Variants in DLGAP1 observed in about 807,000 individuals in gnomAD.
DLGAP1 encodes DLG associated protein 1, also known as disks large-associated protein 1.
A neutral mutation model predicts 90.8 loss-of-function variants in DLGAP1; 11 were observed. The ratio of observed to expected loss-of-function variants is 0.12; its 90% confidence interval spans 0.08 to 0.20. The LOEUF is 0.20. Ranked by LOEUF, DLGAP1 falls within the 10% of genes least tolerant of loss-of-function variation. The pLI, the probability that DLGAP1 is intolerant of heterozygous loss-of-function variation, is 1.00. For synonymous variants in DLGAP1, 558 were observed against 540.7 expected (o/e 1.03, Z -0.44); for missense variants, 1,050 against 1,333.8 (o/e 0.79, Z 3.31).
intron 1 of DLGAP1, among the ~76,000 whole-genome samples, chr18:4,380,706 A>C (rs1479051340): frequency 6.6e-6 from 1 of 152,180 alleles, no homozygotes; most frequent in Non-Finnish European, 1.5e-5. Flanking sequence ...CCATATCATT[A>C]ATATGTTTCC....
At chr18:3,547,153 T>C (rs1354359877) in intron 9 of DLGAP1, among the ~76,000 whole-genome samples, 4 of 151,448 alleles carry the variant, frequency 2.6e-5, no homozygotes, top group Admixed American at 6.6e-5. Flanking sequence ...TACAAAAAAT[T>C]AGCCAGGCGT....
chr18:4,303,321 G>GA (rs768607169), intron 1 of DLGAP1, among the ~76,000 whole-genome samples: 4 of 151,470 alleles, frequency 2.6e-5, no homozygotes, highest in African/African-American at 7.3e-5. Flanking sequence ...TGTGGAGAAA[G>GA]AAAAAAAATG....
At chr18:4,143,962 T>C (rs772602658) in intron 2 of DLGAP1, among the ~76,000 whole-genome samples, 8 of 152,112 alleles carry the variant, frequency 5.3e-5, no homozygotes, top group Non-Finnish European at 7.3e-5. Context: ...CCTACTGTGG[T>C]TGTGCTGGTA....
At chr18:4,170,760 G>A (rs2077009972) in intron 1 of DLGAP1, among the ~76,000 whole-genome samples, 2 of 152,022 alleles carry the variant, frequency 1.3e-5, no homozygotes, top group South Asian at 4.2e-4. Context: ...ATTTAAATAA[G>A]AATAAAATTA....
At chr18:3,682,438 T>C in intron 7 of DLGAP1, among the ~76,000 whole-genome samples, 1 of 152,228 alleles carries the variant, frequency 6.6e-6, no homozygotes, top group East Asian at 1.9e-4. Context: ...ACACATGGCC[T>C]TTTTGGAAAA....
rs147053906 is a variant in DLGAP1, at chr18:3,552,808, G to A, written c.2057+14682C>T. 6.7e-3 allele frequency among the ~76,000 whole-genome samples: 1,016 copies of A among 152,234 alleles called. 5 individuals carry two copies. The highest frequency in any genetic ancestry group is 0.01 in the Middle Eastern group (3 of 294). ...CCATCTTCATCCCCGCTTTCAGAGC[G>A]CCCAATGCCACCCATCCACATGCAT... On this transcript the variant is annotated intron_variant, in intron 9 of 12. Coordinates refer to ENST00000315677, the MANE Select transcript of DLGAP1 (RefSeq NM_004746.4).
chr18:4,025,171 C>T (rs1342788994), intron 2 of DLGAP1, among the ~76,000 whole-genome samples: 1 of 151,772 alleles, frequency 6.6e-6, no homozygotes, highest in Non-Finnish European at 1.5e-5. Flanking sequence ...GGTGGAGTGA[C>T]CCTGTCCAAG....
chr18:3,553,253 G>A (rs2053574233), intron 9 of DLGAP1, among the ~76,000 whole-genome samples: 1 of 152,090 alleles, frequency 6.6e-6, no homozygotes. Context: ...AATAATGTTT[G>A]TTGATTTTAA....
In DLGAP1 at chr18:3,659,447, C is replaced by T. The variant is rs1011212243; in HGVS notation, c.1591+69688G>A. Reference sequence around the variant, plus strand: ...CACACACACACACGGATGCTACCACCCCCCGCCGCCCCCACCCCCGGTTTC... The same window carrying T: ...CACACACACACACGGATGCTACCACTCCCCGCCGCCCCCACCCCCGGTTTC... On this transcript the variant is annotated intron_variant, in intron 7 of 12. Transcript: ENST00000315677. Among the ~76,000 whole-genome samples, 7 of 139,136 alleles carry T rather than the reference C, an allele frequency of 5.0e-5. 1 individual carries two copies. The highest frequency in any genetic ancestry group is 2.1e-4 in the African/African-American group (7 of 33,612). 91.3% of individuals were successfully genotyped at this position (139,136 alleles called of 152,430 possible).
At chr18:3,633,902 TG>T (rs2058605740) in intron 7 of DLGAP1, among the ~76,000 whole-genome samples, 1 of 152,176 alleles carries the variant, frequency 6.6e-6, no homozygotes. Flanking sequence ...CGGCCATGCA[TG>T]AAAACAGAAT....
At chr18:4,006,742 T>C (rs1904595455) in intron 2 of DLGAP1, among the ~76,000 whole-genome samples, 1 of 151,768 alleles carries the variant, frequency 6.6e-6, no homozygotes, top group Admixed American at 6.6e-5. Context: ...ACCCCCAGTG[T>C]TCAAGTGATC....
At chr18:3,574,548 C>T (rs911937517) in intron 8 of DLGAP1, among the ~76,000 whole-genome samples, 1 of 152,128 alleles carries the variant, frequency 6.6e-6, no homozygotes, top group Non-Finnish European at 1.5e-5. Context: ...TCATGGTTGG[C>T]AAACATGACT....
At chr18:3,772,281 C>A (rs2064630352) in intron 5 of DLGAP1, among the ~76,000 whole-genome samples, 1 of 145,972 alleles carries the variant, frequency 6.9e-6, no homozygotes, top group Non-Finnish European at 1.5e-5. Context: ...CTTCCTTTCT[C>A]TCCTTTTCTC....
At chr18:4,326,981 A>T (rs2080832231) in intron 1 of DLGAP1, among the ~76,000 whole-genome samples, 1 of 152,132 alleles carries the variant, frequency 6.6e-6, no homozygotes, top group Non-Finnish European at 1.5e-5. Context: ...ACAAAGCTGC[A>T]CATGTACCCC....
At chr18:4,345,375 G>T (rs1004270571) in intron 1 of DLGAP1, among the ~76,000 whole-genome samples, 1 of 152,140 alleles carries the variant, frequency 6.6e-6, no homozygotes, top group Non-Finnish European at 1.5e-5. Flanking sequence ...AGACTTTTAA[G>T]TTTGAGGAAA....
intron 7 of DLGAP1, among the ~76,000 whole-genome samples, chr18:3,618,236 T>G (rs1455391200): frequency 6.6e-6 from 1 of 152,170 alleles, no homozygotes; most frequent in Non-Finnish European, 1.5e-5. Context: ...CAAGTTACAA[T>G]TCGCAGAGTC....
intron 1 of DLGAP1, among the ~76,000 whole-genome samples, chr18:4,236,603 T>C (rs2078421401): frequency 6.6e-6 from 1 of 152,176 alleles, no homozygotes; most frequent in Non-Finnish European, 1.5e-5. Context: ...CTTTAAGTTT[T>C]ATAAATATTT....
At chr18:3,970,920 C>T (rs1025246651) in intron 3 of DLGAP1, among the ~76,000 whole-genome samples, 59 of 152,160 alleles carry the variant, frequency 3.9e-4, no homozygotes, top group Non-Finnish European at 7.9e-4. Flanking sequence ...ATGAGGTCTG[C>T]TTCCACCCTT....
intron 1 of DLGAP1, among the ~76,000 whole-genome samples, chr18:4,255,418 CTA>C (rs1419792862): frequency 3.3e-5 from 5 of 151,610 alleles, no homozygotes; most frequent in South Asian, 2.1e-4. Context: ...GACTCTCTCT[CTA>C]TGTTACTCTC....
Sources: allele counts gnomAD v4.1 joint callset (sites outside exome capture counted in the v4.1 genomes callset), GRCh38; gene constraint gnomAD v4.1.1; transcripts MANE v1.5; gene names NCBI Gene and HGNC (gene_info 2026-07-23, HGNC 2026-07-21).